The following GYS1 variants were observed in gnomAD, a reference collection of about 807,000 sequenced individuals.
GYS1 encodes the protein glycogen synthase 1.
A neutral mutation model predicts 89.1 loss-of-function variants in GYS1; 60 were observed. The observed-to-expected ratio is 0.67, with a 90% CI of 0.55 to 0.84. GYS1 has a LOEUF of 0.84. GYS1 is among the 40% of genes least tolerant of loss of function. The pLI is 0.00. For missense variants in GYS1, 888 were observed against 1,003.1 expected (o/e 0.89, Z 1.55); for synonymous variants, 366 against 401.7 (o/e 0.91, Z 1.06).
intron 12 of GYS1, 27 bp from the exon 13 acceptor site, chr19:48,971,050 C>G: frequency 1.4e-6 from 2 of 1,461,978 alleles, no homozygotes; most frequent in South Asian, 2.3e-5. Context: ...GAGAGACCCA[C>G]TTAGCTTCCC....
Position 48,968,595 on chromosome 19 carries a change from CTG to C in GYS1, c.*691_*692del, listed in dbSNP as rs1179409080. On this transcript the variant is annotated 3_prime_UTR_variant, in exon 16 of 16. Coordinates refer to ENST00000323798, the MANE Select transcript of GYS1 (RefSeq NM_002103.5). ...AGACAGGAAGGCATCTGGACTGAGA[CTG>C]TGTGTCCTCCAGAAGGAATGAGCAG... is the stretch of plus-strand genomic sequence containing the variant. 4 of 454,280 alleles carry C rather than the reference CTG, an allele frequency of 8.8e-6. 1 individual carries two copies. Among genetic ancestry groups the C allele is most frequent in the South Asian group, 4.7e-5 (3 of 64,470 alleles). The allele number at this position is 454,280 out of a possible 1,614,324, so 28.1% of individuals were successfully genotyped here.
chr19:48,991,530 T>C lies in GYS1; in HGVS notation c.119-47A>G, dbSNP rs2038927110. On this transcript the variant is annotated intron_variant, in intron 1 of 15. Coordinates refer to ENST00000323798, the MANE Select transcript of GYS1 (RefSeq NM_002103.5). This position sits in a 1 kb window ranked among gnomAD's most constrained non-coding sequence, Gnocchi z 4.7. ...GGCAGGCCCCGGCCGAGGTCCATAG[T>C]TCTGGGGCCTGGGGTGGGGTGGGCC... is the stretch of plus-strand genomic sequence containing the variant. The C allele has an allele frequency of 6.2e-7, 1 of 1,603,744 alleles. No individual in the cohort carries two copies. Among genetic ancestry groups the C allele is most frequent in the Non-Finnish European group, 8.5e-7 (1 of 1,171,874 alleles).
intron 5 of GYS1, among the ~76,000 whole-genome samples, chr19:48,983,899 G>A (rs2038802241): frequency 6.6e-6 from 1 of 152,092 alleles, no homozygotes; most frequent in South Asian, 2.1e-4. Flanking sequence ...TCAAATACAG[G>A]TCACCACCCC....
In GYS1 at chr19:48,970,217, G is replaced by C. The variant is rs544100827; in HGVS notation, c.1809+329C>G. Reference sequence around the variant, plus strand: ...AAGGCTCACTGCAGCCTCAACCTCCGGGGCTCAAGCGACCCTACCACCTCA... The same window carrying C: ...AAGGCTCACTGCAGCCTCAACCTCCCGGGCTCAAGCGACCCTACCACCTCA... On this transcript the variant is annotated intron_variant, in intron 14 of 15. Coordinates refer to ENST00000323798, the MANE Select transcript of GYS1 (RefSeq NM_002103.5). The C allele has an allele frequency of 1.3e-4, 57 of 442,364 alleles. No individual in the cohort carries two copies. In the East Asian group the frequency reaches 2.4e-3, roughly 18 times the overall value. The allele number at this position is 442,364 out of a possible 1,614,324, so 27.4% of individuals were successfully genotyped here.
rs766726093 is a variant in GYS1 at position 48,993,022 on chromosome 19, C to T, written c.91G>A (p.Glu31Lys). 1.5e-5 allele frequency: 24 copies of T among 1,611,498 alleles called. No individual in the cohort carries two copies. Among genetic ancestry groups the T allele is most frequent in the Non-Finnish European group, 1.4e-5 (17 of 1,177,768 alleles). The change falls in exon 1 of 16, where the codon GAA (glutamate) becomes AAA (lysine). Residue 31 changes from glutamate to lysine, a missense_variant. Glu to Lys is a moderately conservative substitution (Grantham distance 56, BLOSUM62 1). Transcript: ENST00000323798. ...TTGTTAGCCACCTCCCAGGCCACTT[C>T]GAAGAGCACTGCGTTCTCCAGGTCG... ...EFDLENAVLF[E>K]VAWEVANKVG...
At chr19:48,979,940 C>A (rs2038731305) in intron 8 of GYS1, among the ~76,000 whole-genome samples, 1 of 152,008 alleles carries the variant, frequency 6.6e-6, no homozygotes, top group Admixed American at 6.6e-5. Context: ...AGCCACCACG[C>A]CCGACTTCTT....
intron 10 of GYS1, among the ~76,000 whole-genome samples, chr19:48,976,136 A>G (rs1317144207): frequency 6.6e-6 from 1 of 151,950 alleles, no homozygotes; most frequent in Non-Finnish European, 1.5e-5. Flanking sequence ...GGCCCGAGAA[A>G]CTACAACTCC....
Position 48,969,114 on chromosome 19 carries a change from T to C in GYS1, c.*174A>G. On this transcript the variant is annotated 3_prime_UTR_variant, in exon 16 of 16. Transcript: ENST00000323798. ...AGGCACGGCTTTGTGGATTCTGGAG[T>C]GCAGGAACTTGGAAACTGGAGCTGG... The C allele has an allele frequency of 1.6e-6, 1 of 640,846 alleles. No individual in the cohort carries two copies. Among genetic ancestry groups the C allele is most frequent in the Non-Finnish European group, 2.7e-6 (1 of 366,940 alleles). The allele number at this position is 640,846 out of a possible 1,614,324, so 39.7% of individuals were successfully genotyped here.
Position 48,970,609 on chromosome 19 carries a change from A to T in GYS1, c.1746T>A (p.Arg582=). 4 of 1,613,926 alleles carry T rather than the reference A, an allele frequency of 2.5e-6. No individual in the cohort carries two copies. The highest frequency in any genetic ancestry group is 3.4e-6 in the Non-Finnish European group (4 of 1,179,934). Residue 582 remains arginine, a synonymous_variant, in exon 14 of 16, where the codon CGT becomes CGA. Coordinates refer to ENST00000323798, the MANE Select transcript of GYS1 (RefSeq NM_002103.5). ...YSFCQQSRRQ[R]IIQRNRTERL... ...GCTCCGTGCGGTTCCGCTGGATGAT[A>T]CGCTGCCGCCGGCTCTGCTGACAGA... is the stretch of plus-strand genomic sequence containing the variant.
chr19:48,969,446 G>T lies in GYS1; in HGVS notation c.2056C>A (p.Arg686Ser). The T allele has an allele frequency of 1.3e-6, 2 of 1,545,286 alleles. No homozygotes were observed. Among genetic ancestry groups the T allele is most frequent in the Non-Finnish European group, 1.7e-6 (2 of 1,147,330 alleles). The change falls in exon 16 of 16, where the codon CGC becomes AGC. Residue 686 changes from arginine to serine, a missense_variant. Coordinates refer to ENST00000323798, the MANE Select transcript of GYS1 (RefSeq NM_002103.5). ...DEDEEAAKDR[R>S]NIRAPEWPRR... is the part of the protein sequence containing the mutation. ...GGCCACTCTGGTGCACGGATGTTGCGCCGGTCCTTGGCGGCCTCCTCGTCC... is the reference window on the plus strand; with the variant it reads ...GGCCACTCTGGTGCACGGATGTTGCTCCGGTCCTTGGCGGCCTCCTCGTCC...
chr19:48,984,553 G>A (rs1317016213), intron 5 of GYS1, among the ~76,000 whole-genome samples: 3 of 150,920 alleles, frequency 2.0e-5, no homozygotes, highest in African/African-American at 7.3e-5. Flanking sequence ...CCACCACCAC[G>A]CCCGGCTAAT....
At position 48,968,699 on chromosome 19, in the gene GYS1, G is replaced by A. The variant is rs1222295032; in HGVS notation, c.*589C>T. The A allele has an allele frequency of 2.2e-6, 1 of 454,122 alleles. No homozygotes were observed. Among genetic ancestry groups the A allele is most frequent in the Admixed American group, 2.3e-5 (1 of 42,574 alleles). 28.1% of individuals were successfully genotyped at this position (454,122 alleles called of 1,614,324 possible). On this transcript the variant is annotated 3_prime_UTR_variant, in exon 16 of 16. Coordinates refer to ENST00000323798, the MANE Select transcript of GYS1 (RefSeq NM_002103.5). ...GCCGGATGGAGGGATCCTCCAGGCA[G>A]AGCCTGGCTCTGACATGCCAGGGAG...
chr19:48,977,166 C>T (rs1173181161), intron 10 of GYS1, among the ~76,000 whole-genome samples: 1 of 152,040 alleles, frequency 6.6e-6, no homozygotes, highest in Non-Finnish European at 1.5e-5. Flanking sequence ...TGTACAGTGG[C>T]ACAGTCATGG....
intron 12 of GYS1, among the ~76,000 whole-genome samples, chr19:48,971,729 A>AT (rs904603424): frequency 2.0e-5 from 3 of 151,218 alleles, no homozygotes; most frequent in Non-Finnish European, 2.9e-5. Context: ...TAATTATTGT[A>AT]TTTTTTAGTA....
Position 48,986,124 on chromosome 19 carries a change from G to A in GYS1, c.493-89C>T, listed in dbSNP as rs533689781. ...AGTAGGGACAAGGACTCGGGGAGAGGTCAATCTGTCACCACTACTGCACAG... is the reference window on the plus strand; with the variant it reads ...AGTAGGGACAAGGACTCGGGGAGAGATCAATCTGTCACCACTACTGCACAG... On this transcript the variant is annotated intron_variant, in intron 3 of 15. Coordinates refer to ENST00000323798, the MANE Select transcript of GYS1 (RefSeq NM_002103.5). 37 of 1,153,624 alleles carry A rather than the reference G, an allele frequency of 3.2e-5. 1 individual carries two copies. The East Asian group carries it at 9.1e-4, about 29-fold the overall frequency. The allele number at this position is 1,153,624 out of a possible 1,614,324, so 71.5% of individuals were successfully genotyped here.
chr19:48,969,913 AGAT>A (rs2122455496), intron 14 of GYS1, 58 bp from the exon 15 acceptor site: 1 of 1,183,924 alleles, frequency 8.4e-7, no homozygotes, highest in African/African-American at 1.5e-5. Context: ...ACCCCCAGGC[AGAT>A]GATGGGGGTC....
At position 48,969,342 on chromosome 19, in the gene GYS1, G is replaced by A; in HGVS notation, c.2160C>T (p.Ser720=). The change falls in exon 16 of 16, where the codon AGC becomes AGT. Residue 720 remains serine, a synonymous_variant. Transcript: ENST00000323798. Reference sequence around the variant, plus strand: ...TGGGGCTGAGGGGCTCGCTCGGGGTGCTGAGTGAGCTGGAGGTGGCCGTGT... The same window carrying A: ...TGGGGCTGAGGGGCTCGCTCGGGGTACTGAGTGAGCTGGAGGTGGCCGTGT... ...SVDTATSSSL[S]TPSEPLSPTS... is the part of the protein sequence containing the mutation. The A allele has an allele frequency of 6.3e-7, 1 of 1,584,992 alleles. No individual in the cohort carries two copies. The highest frequency in any genetic ancestry group is 1.1e-5 in the South Asian group (1 of 87,898).
chr19:48,986,231 C>A (rs985317431), intron 3 of GYS1, among the ~76,000 whole-genome samples, 196 bp from the exon 4 acceptor site: 10 of 152,218 alleles, frequency 6.6e-5, no homozygotes, highest in Middle Eastern at 3.4e-3. Context: ...GTCTTGAACT[C>A]CTGGGCTCAA....
intron 10 of GYS1, among the ~76,000 whole-genome samples, chr19:48,976,810 T>A (rs533591769): frequency 6.6e-6 from 1 of 152,154 alleles, no homozygotes; most frequent in African/African-American, 2.4e-5. Context: ...TGTTGCCCAG[T>A]CTGGAGTGCA....
Sources: gnomAD v4.1 joint callset for allele counts (sites outside exome capture counted in the v4.1 genomes callset) on GRCh38, gnomAD v4.1.1 for gene constraint, Gnocchi (gnomAD v3.1) non-coding constraint, MANE v1.5 for transcripts, NCBI Gene and HGNC (gene_info 2026-07-23, HGNC 2026-07-21) for gene names.